Variants in ANKMY2 observed in about 807,000 individuals in gnomAD.
The protein encoded by ANKMY2 is ankyrin repeat and MYND domain-containing protein 2.
Under a neutral mutation model 50.4 loss-of-function variants are expected in ANKMY2, and 36 were observed. That is an observed-to-expected ratio of 0.71 (90% CI 0.55 to 0.94). The LOEUF (loss-of-function observed/expected upper bound fraction) is 0.94. Among genes scored for constraint, ANKMY2 ranks in the 40% least tolerant of loss-of-function variants. ANKMY2 has a pLI of 0.00. For synonymous variants in ANKMY2, 187 were observed against 178.8 expected (o/e 1.05, Z -0.36); for missense variants, 565 against 524.0 (o/e 1.08, Z -0.76).
At position 16,600,742 on chromosome 7, in the gene ANKMY2, C is replaced by G; in HGVS notation, c.*19G>C. 2 of 1,589,414 alleles carry G rather than the reference C, an allele frequency of 1.3e-6. No homozygotes were observed. The highest frequency in any genetic ancestry group is 8.6e-7 in the Non-Finnish European group (1 of 1,167,358). ...TCTTGCAGGGTGAGGATCATCCACACTGGCACTTGCTCTGGCTTTTACTCC... is the reference window on the plus strand; with the variant it reads ...TCTTGCAGGGTGAGGATCATCCACAGTGGCACTTGCTCTGGCTTTTACTCC... On this transcript the variant is annotated 3_prime_UTR_variant, in exon 10 of 10. Transcript: ENST00000306999.
chr7:16,636,748 CA>C (rs1781667656), intron 1 of ANKMY2, among the ~76,000 whole-genome samples: 1 of 151,968 alleles, frequency 6.6e-6, no homozygotes, highest in Non-Finnish European at 1.5e-5. Context: ...AACCACAAAG[CA>C]TAAGACTTAA....
intron 4 of ANKMY2, among the ~76,000 whole-genome samples, chr7:16,622,215 C>A (rs1347416857): frequency 1.3e-5 from 2 of 152,046 alleles, no homozygotes; most frequent in Admixed American, 1.3e-4. Flanking sequence ...AAAGGGCATC[C>A]CCCCACAAAA....
chr7:16,635,239 C>T (rs1456304891), intron 2 of ANKMY2, among the ~76,000 whole-genome samples: 2 of 151,880 alleles, frequency 1.3e-5, no homozygotes, highest in African/African-American at 4.8e-5. Context: ...ATAAAAGATG[C>T]TAGATTAAAA....
rs932624302 is a variant in ANKMY2, at chr7:16,609,151, G to A, written c.882+479C>T. On this transcript the variant is annotated intron_variant, in intron 7 of 9. Coordinates refer to ENST00000306999, the MANE Select transcript of ANKMY2 (RefSeq NM_020319.3). ...ATTTTCTAATCAGAGGCATTAAGGT[G>A]GATTATAGGAAGCTGAGGCATACTT... Among the ~76,000 whole-genome samples, 6 of 152,172 alleles carry A rather than the reference G, an allele frequency of 3.9e-5. No homozygotes were observed. In the South Asian group the frequency reaches 1.0e-3, roughly 26 times the overall value.
At chr7:16,634,623 A>G (rs1299500451) in intron 2 of ANKMY2, among the ~76,000 whole-genome samples, 2 of 152,230 alleles carry the variant, frequency 1.3e-5, no homozygotes, top group Non-Finnish European at 2.9e-5. Flanking sequence ...GCCTGGGCAA[A>G]TAACTAGCTG....
chr7:16,605,376 T>C (rs1164796824), intron 7 of ANKMY2, among the ~76,000 whole-genome samples: 1 of 152,208 alleles, frequency 6.6e-6, no homozygotes, highest in Non-Finnish European at 1.5e-5. Flanking sequence ...ATTGGTATGT[T>C]CCAAATTTGT....
At chr7:16,618,086 C>G (rs1036997230) in intron 4 of ANKMY2, among the ~76,000 whole-genome samples, 1 of 151,976 alleles carries the variant, frequency 6.6e-6, no homozygotes, top group African/African-American at 2.4e-5. Flanking sequence ...TGCCACCACA[C>G]CTGGCTAATC....
intron 1 of ANKMY2, among the ~76,000 whole-genome samples, chr7:16,641,590 C>T (rs576824512): frequency 8.0e-4 from 121 of 152,152 alleles, no homozygotes; most frequent in Non-Finnish European, 9.0e-4. Flanking sequence ...GTATTATTAA[C>T]GACACAGGAC....
At chr7:16,624,670 G>A (rs1006112140) in intron 4 of ANKMY2, among the ~76,000 whole-genome samples, 1 of 152,134 alleles carries the variant, frequency 6.6e-6, no homozygotes, top group African/African-American at 2.4e-5. Context: ...TGGGATTACT[G>A]ACTTCTCGGT....
In ANKMY2 at chr7:16,609,755, C is replaced by T. The variant is rs1781217232; in HGVS notation, c.757G>A (p.Gly253Ser). The T allele has an allele frequency of 6.2e-7, 1 of 1,607,926 alleles. No individual in the cohort carries two copies. The highest frequency in any genetic ancestry group is 2.3e-5 in the East Asian group (1 of 44,346). Residue 253 changes from glycine to serine, a missense_variant, in exon 7 of 10, where the codon GGC becomes AGC. By Grantham distance (56) the Gly-to-Ser change is moderately conservative (BLOSUM62 0). Transcript: ENST00000306999. The part of the protein sequence containing the change: ...LDTLIKSLLK[G>S]RASDGFPVYQ... ...ACTGGAAAGCCATCAGAAGCTCGGC[C>T]TTTTAACAAGCTGAAAGATATTTTT...
At chr7:16,625,451 T>G (rs1417817183) in intron 3 of ANKMY2, among the ~76,000 whole-genome samples, 1 of 152,236 alleles carries the variant, frequency 6.6e-6, no homozygotes, top group East Asian at 1.9e-4. Context: ...TAATATCGAC[T>G]AATCCATCCC....
intron 2 of ANKMY2, among the ~76,000 whole-genome samples, chr7:16,632,773 T>G (rs1444568777): frequency 1.3e-5 from 2 of 152,224 alleles, no homozygotes; most frequent in East Asian, 3.8e-4. Flanking sequence ...AGTATATATA[T>G]AGGATTTCTG....
At chr7:16,633,320 G>T (rs1781613411) in intron 2 of ANKMY2, among the ~76,000 whole-genome samples, 1 of 150,174 alleles carries the variant, frequency 6.7e-6, no homozygotes, top group African/African-American at 2.5e-5. Flanking sequence ...TTTTATTTCT[G>T]TTTTTTCTAA....
chr7:16,624,922 T>C, intron 4 of ANKMY2, 61 bp downstream of exon 4: 3 of 1,456,626 alleles, frequency 2.1e-6, no homozygotes, highest in Non-Finnish European at 2.9e-6. Context: ...GCAAAGTGGG[T>C]TTTTTTTCCA....
chr7:16,624,112 T>C (rs1335811175), intron 4 of ANKMY2, among the ~76,000 whole-genome samples: 1 of 152,182 alleles, frequency 6.6e-6, no homozygotes, highest in South Asian at 2.1e-4. Flanking sequence ...ACCCTTTAAG[T>C]GCCAAGAAAG....
At chr7:16,608,056 T>A (rs1182230950) in intron 7 of ANKMY2, among the ~76,000 whole-genome samples, 1 of 152,048 alleles carries the variant, frequency 6.6e-6, no homozygotes, top group Non-Finnish European at 1.5e-5. Context: ...CATGAGATCA[T>A]AAGTATGCAT....
intron 7 of ANKMY2, among the ~76,000 whole-genome samples, chr7:16,608,249 C>T (rs1781191566): frequency 6.6e-6 from 1 of 152,126 alleles, no homozygotes. Flanking sequence ...TATGTGCTGC[C>T]AAGACACATT....
chr7:16,636,525 GA>G, intron 1 of ANKMY2, 70 bp from the exon 2 acceptor site: 1 of 1,251,192 alleles, frequency 8.0e-7, no homozygotes, highest in Admixed American at 2.3e-5. Context: ...TAACATCAAG[GA>G]AATAAACCTT....
chr7:16,605,600 C>A lies in ANKMY2; in HGVS notation c.883-751G>T, dbSNP rs539913435. 2.0e-5 allele frequency among the ~76,000 whole-genome samples: 3 copies of A among 151,464 alleles called. No individual in the cohort carries two copies. In the South Asian group the frequency reaches 6.3e-4, roughly 32 times the overall value. On this transcript the variant is annotated intron_variant, in intron 7 of 9. Transcript: ENST00000306999. ...GCAACCTCCGCCTCCCAGGTTCAAG[C>A]AATTCTCCTGCCTCAGCCTCCTCAG...
Sources: gnomAD v4.1 joint callset for allele counts (sites outside exome capture counted in the v4.1 genomes callset) on GRCh38, gnomAD v4.1.1 for gene constraint, MANE v1.5 for transcripts, NCBI Gene and HGNC (gene_info 2026-07-23, HGNC 2026-07-21) for gene names.